The following EYS variants were observed in gnomAD, a reference collection of about 807,000 sequenced individuals.
EYS encodes the protein protein eyes shut homolog.
A neutral mutation model predicts 282.1 loss-of-function variants in EYS; 250 were observed. That is an observed-to-expected ratio of 0.89 (90% CI 0.80 to 0.98). EYS has a LOEUF of 0.98. Among genes scored for constraint, EYS ranks in the 50% least tolerant of loss-of-function variants. EYS has a pLI of 0.00. For missense variants in EYS, 4,016 were observed against 3,709.0 expected, an observed-to-expected ratio of 1.08 and a Z score of -2.15; for synonymous variants, 1,355 against 1,282.9, an observed-to-expected ratio of 1.06 and a Z score of -1.20.
rs1261733425 is a variant in EYS at position 65,554,820 on chromosome 6, C to T, written c.-332-58827G>A. Among the ~76,000 whole-genome samples the T allele has an allele frequency of 2.6e-5, 4 of 152,148 alleles. No homozygotes were observed. The East Asian group carries it at 7.7e-4, about 29-fold the overall frequency. ...TGTCTAGCCAAGAAGGAGTAGAAGGCTTTAAGTCAGTGCATACAGTGTACC... is the reference window on the plus strand; with the variant it reads ...TGTCTAGCCAAGAAGGAGTAGAAGGTTTTAAGTCAGTGCATACAGTGTACC... On this transcript the variant is annotated intron_variant, in intron 2 of 42. Transcript: ENST00000503581.
chr6:64,950,835 T>TATATATA (rs1562272809), intron 14 of EYS, among the ~76,000 whole-genome samples: 506 of 49,896 alleles, frequency 0.01, 9 homozygotes, highest in Admixed American at 0.024. Context: ...ATATATATAT[T>TATATATA]GTTGAATTGT....
At chr6:64,801,051 C>A (rs1455828507) in intron 22 of EYS, among the ~76,000 whole-genome samples, 1 of 151,906 alleles carries the variant, frequency 6.6e-6, no homozygotes, top group Non-Finnish European at 1.5e-5. Context: ...TTTCTTTTAA[C>A]TAATTCTACT....
chr6:64,635,198 G>T (rs1398397018), intron 22 of EYS, among the ~76,000 whole-genome samples: 1 of 152,180 alleles, frequency 6.6e-6, no homozygotes, highest in Non-Finnish European at 1.5e-5. Context: ...TGCTGAAGTT[G>T]CCTATCAGCT....
chr6:63,793,594 G>C (rs1364185755), intron 37 of EYS, among the ~76,000 whole-genome samples: 1 of 152,030 alleles, frequency 6.6e-6, no homozygotes, highest in Non-Finnish European at 1.5e-5. Context: ...AAGACATTAT[G>C]GTGACTTTCT....
intron 28 of EYS, among the ~76,000 whole-genome samples, chr6:64,427,933 T>A (rs1307246149): frequency 6.6e-6 from 1 of 152,142 alleles, no homozygotes. Context: ...AAAGTGAGTT[T>A]ACCTCCCATA....
At chr6:64,402,666 G>A (rs965864274) in intron 28 of EYS, among the ~76,000 whole-genome samples, 1 of 152,146 alleles carries the variant, frequency 6.6e-6, no homozygotes, top group Non-Finnish European at 1.5e-5. Flanking sequence ...AACATTGACA[G>A]GCAATTGAAC....
At chr6:63,790,652 A>G (rs1770487048) in intron 37 of EYS, among the ~76,000 whole-genome samples, 1 of 152,220 alleles carries the variant, frequency 6.6e-6, no homozygotes, top group African/African-American at 2.4e-5. Context: ...GAAAACATAG[A>G]TTCAGGAAGG....
Position 64,622,671 on chromosome 6 carries a change from G to A in EYS, c.3568+3450C>T, listed in dbSNP as rs572539836. Reference sequence around the variant, plus strand: ...AAAGACAAGAGTATTTTGATAATTAGCAACATAATATGAATGTAAGAAAGA... The same window carrying A: ...AAAGACAAGAGTATTTTGATAATTAACAACATAATATGAATGTAAGAAAGA... On this transcript the variant is annotated intron_variant, in intron 23 of 42. Transcript: ENST00000503581. Among the ~76,000 whole-genome samples, 37 of 152,198 alleles carry A rather than the reference G, an allele frequency of 2.4e-4. No individual in the cohort carries two copies. In the South Asian group the frequency reaches 7.7e-3, roughly 32 times the overall value.
intron 13 of EYS, among the ~76,000 whole-genome samples, chr6:65,036,618 CA>C (rs553556855): frequency 1.6e-4 from 21 of 135,332 alleles, no homozygotes; most frequent in South Asian, 4.7e-4. Flanking sequence ...ATTAGTAAGC[CA>C]AAAAAAAAAC....
At position 65,672,835 on chromosome 6, in the gene EYS, G is replaced by C. The variant is rs1582587437; in HGVS notation, c.-447-32943C>G. Among the ~76,000 whole-genome samples the C allele has an allele frequency of 3.3e-5, 5 of 152,228 alleles. No homozygotes were observed. The South Asian group carries it at 1.0e-3, about 32-fold the overall frequency. The stretch of plus-strand genomic sequence containing the variant: ...TGGCAATAAAGCTTTTTAATCACCT[G>C]GGTGCAGGCGGGCTGAGTCCAAAAA... On this transcript the variant is annotated intron_variant, in intron 1 of 42. Transcript: ENST00000503581.
At chr6:64,894,537 G>T (rs1390894841) in intron 18 of EYS, among the ~76,000 whole-genome samples, 8 of 152,112 alleles carry the variant, frequency 5.3e-5, no homozygotes, top group Non-Finnish European at 7.4e-5. Context: ...ATTCAGTTTG[G>T]CTTTGTAGGG....
chr6:64,659,458 G>A (rs866665010), intron 22 of EYS, among the ~76,000 whole-genome samples: 148 of 151,820 alleles, frequency 9.7e-4, no homozygotes, highest in African/African-American at 3.5e-3. Context: ...CTGGTTTTTT[G>A]AAAAGATCAA....
chr6:64,967,062 A>G (rs1375751933), intron 14 of EYS, among the ~76,000 whole-genome samples: 1 of 152,178 alleles, frequency 6.6e-6, no homozygotes, highest in Non-Finnish European at 1.5e-5. Flanking sequence ...TTTTCTTTGA[A>G]GTTTCTTTCT....
chr6:65,266,859 G>T (rs1767766357), intron 12 of EYS, among the ~76,000 whole-genome samples: 1 of 147,982 alleles, frequency 6.8e-6, no homozygotes, highest in African/African-American at 2.5e-5. Context: ...ATTTATAGTT[G>T]TTATAAATAC....
At chr6:64,401,241 G>A (rs920782551) in intron 28 of EYS, among the ~76,000 whole-genome samples, 36 of 151,936 alleles carry the variant, frequency 2.4e-4, no homozygotes, top group Non-Finnish European at 4.6e-4. Context: ...CATTACAATC[G>A]TCAACCTTCA....
At chr6:64,510,568 C>G (rs145922253) in intron 26 of EYS, among the ~76,000 whole-genome samples, 1 of 152,040 alleles carries the variant, frequency 6.6e-6, no homozygotes, top group East Asian at 1.9e-4. Context: ...ATCAAAAATA[C>G]CTCTGTATAA....
At chr6:64,420,438 T>A (rs1006424860) in intron 28 of EYS, among the ~76,000 whole-genome samples, 2 of 152,084 alleles carry the variant, frequency 1.3e-5, no homozygotes, top group Non-Finnish European at 2.9e-5. Context: ...TTGTTACTTA[T>A]GCAAATTTCT....
intron 2 of EYS, among the ~76,000 whole-genome samples, chr6:65,616,177 ATG>A (rs1445843760): frequency 6.6e-6 from 1 of 151,838 alleles, no homozygotes; most frequent in Non-Finnish European, 1.5e-5. Flanking sequence ...TTTATTCCAC[ATG>A]TTTTACTCAT....
At chr6:64,228,968 A>G (rs1345738569) in intron 31 of EYS, among the ~76,000 whole-genome samples, 1 of 152,082 alleles carries the variant, frequency 6.6e-6, no homozygotes, top group African/African-American at 2.4e-5. Flanking sequence ...CAGGAGATAC[A>G]CTAACATTAA....
Sources: gnomAD v4.1 joint callset for allele counts (sites outside exome capture counted in the v4.1 genomes callset) on GRCh38, gnomAD v4.1.1 for gene constraint, MANE v1.5 for transcripts, NCBI Gene and HGNC (gene_info 2026-07-23, HGNC 2026-07-21) for gene names.